Variants in ART3 observed in about 807,000 individuals in gnomAD.
The protein encoded by ART3 is ecto-ADP-ribosyltransferase 3.
In ART3, 49 loss-of-function variants were observed where a neutral mutation model predicts 48.5. The ratio of observed to expected loss-of-function variants is 1.01; its 90% CI spans 0.80 to 1.28. The LOEUF is 1.28. Among genes scored for constraint, ART3 ranks in the 50% most tolerant of loss-of-function variants. The pLI is 0.00. For missense variants in ART3, 438 were observed against 454.3 expected (o/e 0.96, Z 0.33); for synonymous variants, 145 against 157.2 (o/e 0.92, Z 0.58).
At chr4:76,022,868 G>T in intron 1 of ART3, 1 of 1,572,296 alleles carries the variant, frequency 6.4e-7, no homozygotes, top group Non-Finnish European at 8.6e-7. Context: ...TTCATTTTAG[G>T]CATTTAATGT....
chr4:76,026,823 T>C (rs1733433288), intron 1 of ART3, among the ~76,000 whole-genome samples: 1 of 152,260 alleles, frequency 6.6e-6, no homozygotes, highest in Non-Finnish European at 1.5e-5. Context: ...TTCTCATTAT[T>C]TTCTGTGCAC....
chr4:76,098,977 C>T lies in ART3; in HGVS notation c.837C>T (p.Val279=), dbSNP rs1308199593. 2.5e-6 allele frequency: 4 copies of T among 1,609,400 alleles called. No homozygotes were observed. Among genetic ancestry groups the T allele is most frequent in the Non-Finnish European group, 3.4e-6 (4 of 1,175,820 alleles). The change falls in exon 5 of 12, where the codon GTC becomes GTT. Residue 279 remains valine, a synonymous_variant. Transcript: ENST00000355810. ...CAGAATATTTTCAACCCATCTATGT[C>T]TACAACCCTGGTGAGTATGTTCTAA... ...ENLEYFQPIY[V]YNPGEKNQKL... is the part of the protein sequence containing the mutation.
chr4:76,110,199 G>A (rs4859424), intron 11 of ART3, among the ~76,000 whole-genome samples: 7,352 of 152,188 alleles, frequency 0.048, 343 homozygotes, highest in East Asian at 0.16. Context: ...TCAACCAACT[G>A]TGGATCGAAA....
At chr4:76,084,569 GGTT>G (rs1723157277) in intron 3 of ART3, among the ~76,000 whole-genome samples, 1 of 152,154 alleles carries the variant, frequency 6.6e-6, no homozygotes, top group Non-Finnish European at 1.5e-5. Context: ...GAAGGTTTTA[GGTT>G]GTTTTCTTTA....
intron 3 of ART3, among the ~76,000 whole-genome samples, chr4:76,083,363 T>C (rs1271722895): frequency 6.6e-6 from 1 of 152,208 alleles, no homozygotes; most frequent in Non-Finnish European, 1.5e-5. Flanking sequence ...TTTTTAAATC[T>C]TTAGACATCA....
intron 1 of ART3, among the ~76,000 whole-genome samples, 181 bp from the exon 2 acceptor site, chr4:76,075,700 A>G (rs1720890361): frequency 6.6e-6 from 1 of 152,174 alleles, no homozygotes; most frequent in Admixed American, 6.5e-5. Flanking sequence ...TGAGAGCATT[A>G]GACCACTAGA....
At chr4:76,054,934 A>C (rs1194331429) in intron 1 of ART3, among the ~76,000 whole-genome samples, 1 of 152,166 alleles carries the variant, frequency 6.6e-6, no homozygotes, top group Non-Finnish European at 1.5e-5. Context: ...CATTTCTGTC[A>C]ATTTTCTTGT....
At chr4:76,100,606 G>A (rs1727066440) in intron 6 of ART3, among the ~76,000 whole-genome samples, 189 bp from the exon 7 acceptor site, 1 of 141,224 alleles carries the variant, frequency 7.1e-6, no homozygotes, top group Non-Finnish European at 1.5e-5. Flanking sequence ...ACTGTAGCCT[G>A]GAAACAGAGC....
At chr4:76,079,583 AC>A in intron 2 of ART3, among the ~76,000 whole-genome samples, 1 of 152,172 alleles carries the variant, frequency 6.6e-6, no homozygotes, top group Non-Finnish European at 1.5e-5. Flanking sequence ...GTTAGAAAAT[AC>A]GTAGCCTTGA....
intron 1 of ART3, among the ~76,000 whole-genome samples, chr4:76,054,805 G>A (rs1167053037): frequency 1.3e-5 from 2 of 152,168 alleles, no homozygotes; most frequent in African/African-American, 2.4e-5. Context: ...TGCACTCCAG[G>A]CTAGGCTACA....
At chr4:76,106,369 C>T in intron 10 of ART3, 1 of 985,102 alleles carries the variant, frequency 1.0e-6, no homozygotes, top group Non-Finnish European at 1.2e-6. Flanking sequence ...CTGTAAGAAA[C>T]ACGAAAAGGT....
chr4:76,092,691 G>C (rs913451323), intron 3 of ART3, among the ~76,000 whole-genome samples: 1 of 151,700 alleles, frequency 6.6e-6, no homozygotes, highest in Non-Finnish European at 1.5e-5. Context: ...CATCATATTT[G>C]GAAAGTTGTG....
In ART3 at chr4:76,082,218, C is replaced by T. The variant is rs1476154886; in HGVS notation, c.464C>T (p.Ala155Val). ...CAGTTGCTGAGAAAACCTTGTGAGG[C>T]CAGTTCCAAAACTGTGGTATATAGA... ...ALQLLRKPCE[A>V]SSKTVVYRTS... is the part of the protein sequence containing the mutation. Residue 155 changes from alanine to valine, a missense_variant, in exon 3 of 12, where the codon GCC becomes GTC. Physicochemically the swap from Ala to Val is moderately conservative, Grantham distance 64. Transcript: ENST00000355810. The T allele has an allele frequency of 1.2e-6, 2 of 1,614,064 alleles. No individual in the cohort carries two copies. Among genetic ancestry groups the T allele is most frequent in the Non-Finnish European group, 8.5e-7 (1 of 1,180,048 alleles).
chr4:76,087,497 A>G (rs184538537), intron 3 of ART3, among the ~76,000 whole-genome samples: 3 of 152,296 alleles, frequency 2.0e-5, no homozygotes, highest in African/African-American at 7.2e-5. Context: ...TGTAGTGAGA[A>G]TCTTGTTCCA....
At chr4:76,032,581 CTTTTT>C (rs10547155) in intron 1 of ART3, among the ~76,000 whole-genome samples, 15 of 114,584 alleles carry the variant, frequency 1.3e-4, no homozygotes, top group Admixed American at 9.5e-5. Context: ...AGATTCAAGT[CTTTTT>C]TTTTTTTTTT....
chr4:76,090,133 C>A (rs1282633482), intron 3 of ART3, among the ~76,000 whole-genome samples: 4 of 152,060 alleles, frequency 2.6e-5, no homozygotes, highest in Non-Finnish European at 4.4e-5. Context: ...AACACCTCAG[C>A]CACTGTTTAG....
At chr4:76,023,106 A>C (rs770562876) in intron 1 of ART3, among the ~76,000 whole-genome samples, 18 of 152,050 alleles carry the variant, frequency 1.2e-4, no homozygotes, top group Non-Finnish European at 2.2e-4. Flanking sequence ...CTCTGTCCGC[A>C]TTCCCTCACA....
At chr4:76,016,953 T>C (rs997365567) in intron 1 of ART3, among the ~76,000 whole-genome samples, 21 of 152,090 alleles carry the variant, frequency 1.4e-4, no homozygotes, top group African/African-American at 5.1e-4. Flanking sequence ...CTGCCCAGCC[T>C]GGGACTCACG....
chr4:76,104,479 A>G, intron 9 of ART3, 118 bp from the exon 10 acceptor site: 1 of 1,491,440 alleles, frequency 6.7e-7, no homozygotes, highest in South Asian at 1.4e-5. Flanking sequence ...AAAAAGCCAG[A>G]AACTATAGTG....
Sources: allele counts gnomAD v4.1 joint callset (sites outside exome capture counted in the v4.1 genomes callset), GRCh38; gene constraint gnomAD v4.1.1; transcripts MANE v1.5; gene names NCBI Gene and HGNC (gene_info 2026-07-23, HGNC 2026-07-21).